The following NEBL variants were observed in gnomAD, a reference collection of about 807,000 sequenced individuals.
NEBL encodes LIM and SH3 protein 2.
Under a neutral mutation model 140.2 loss-of-function variants are expected in NEBL, and 122 were observed. The ratio of observed to expected loss-of-function variants is 0.87; its 90% confidence interval spans 0.75 to 1.01. NEBL has a LOEUF of 1.01. Among genes scored for constraint, NEBL ranks in the 50% least tolerant of loss-of-function variants. NEBL has a pLI of 0.00. For missense variants in NEBL, 1,365 were observed against 1,231.3 expected (o/e 1.11, Z -1.62); for synonymous variants, 436 against 398.9 (o/e 1.09, Z -1.11).
Position 21,267,826 on chromosome 10 carries a change from A to C in NEBL, n.183-15998T>G, listed in dbSNP as rs180865303. Among the ~76,000 whole-genome samples, 4 of 152,346 alleles carry C rather than the reference A, an allele frequency of 2.6e-5. No individual in the cohort carries two copies. The East Asian group carries it at 7.7e-4, about 29-fold the overall frequency. On this transcript the variant is annotated intron_variant and non_coding_transcript_variant, in intron 1 of 8. Transcript: ENST00000675702. ...CACACTTCAAGTGCTCAGTAGCTAC[A>C]TGTGGCTAGTGTCTGTTGTATTCAA...
At chr10:21,236,197 T>C (rs1361711372) in intron 3 of NEBL, among the ~76,000 whole-genome samples, 2 of 152,152 alleles carry the variant, frequency 1.3e-5, no homozygotes, top group African/African-American at 4.8e-5. Flanking sequence ...GGGAGGGAAA[T>C]CTTAGCATGG....
chr10:21,158,626 A>C (rs1726223), intron 2 of NEBL, among the ~76,000 whole-genome samples: 353 of 152,150 alleles, frequency 2.3e-3, no homozygotes, highest in Non-Finnish European at 3.3e-3. Flanking sequence ...CCAGTGTTTC[A>C]GTTCCAGGAC....
In NEBL at chr10:20,808,665, T is replaced by C. The variant is rs377317796; in HGVS notation, c.2612-6A>G. On this transcript the variant is annotated splice_polypyrimidine_tract_variant and splice_region_variant and intron_variant, in intron 25 of 27. Transcript: ENST00000377122. ...CCTATAGTGACTCGCCTTTTCTATA[T>C]TGGAGGGAAAATATTTACACGTGTG... 6.8e-5 allele frequency: 110 copies of C among 1,610,858 alleles called. No homozygotes were observed. The highest frequency in any genetic ancestry group is 3.3e-4 in the Middle Eastern group (2 of 6,076).
At chr10:20,943,656 T>C (rs1835012681) in intron 4 of NEBL, among the ~76,000 whole-genome samples, 1 of 152,208 alleles carries the variant, frequency 6.6e-6, no homozygotes, top group South Asian at 2.1e-4. Flanking sequence ...AGGAAGTTAT[T>C]TCTTGTTTCT....
chr10:20,816,226 A>G (rs1252459847), intron 21 of NEBL, among the ~76,000 whole-genome samples: 1 of 152,206 alleles, frequency 6.6e-6, no homozygotes, highest in Non-Finnish European at 1.5e-5. Flanking sequence ...CTGTGGATGT[A>G]CTCGAATACA....
intron 2 of NEBL, among the ~76,000 whole-genome samples, chr10:21,074,447 T>C (rs74121007): frequency 0.032 from 4,832 of 152,080 alleles, 114 homozygotes; most frequent in African/African-American, 0.064. Context: ...TCTTGTAAAA[T>C]GCTGCTCCTC....
intron 3 of NEBL, among the ~76,000 whole-genome samples, chr10:21,187,106 A>T (rs1472988964): frequency 6.6e-6 from 1 of 151,562 alleles, no homozygotes; most frequent in Non-Finnish European, 1.5e-5. Context: ...CATAGATGCA[A>T]GTACGTACCT....
chr10:21,227,716 T>TCTTCTTCTTC (rs1842180998), intron 3 of NEBL, among the ~76,000 whole-genome samples: 1 of 101,982 alleles, frequency 9.8e-6, no homozygotes, highest in African/African-American at 4.8e-5. Context: ...TCTTCTTTCT[T>TCTTCTTCTTC]CTTCTTCTTC....
chr10:20,967,777 G>C (rs1450754470), intron 3 of NEBL, among the ~76,000 whole-genome samples: 1 of 152,072 alleles, frequency 6.6e-6, no homozygotes, highest in East Asian at 1.9e-4. Flanking sequence ...TACATTTGAT[G>C]GCGAATTCAC....
At chr10:21,198,314 A>C (rs1841683840) in intron 3 of NEBL, among the ~76,000 whole-genome samples, 2 of 152,088 alleles carry the variant, frequency 1.3e-5, no homozygotes, top group Non-Finnish European at 2.9e-5. Context: ...TATCTTTAGG[A>C]TGTATTAGGA....
chr10:20,900,444 C>T (rs997515020), upstream of NEBL, among the ~76,000 whole-genome samples: 1 of 152,156 alleles, frequency 6.6e-6, no homozygotes, highest in Non-Finnish European at 1.5e-5. Context: ...CTTTGGGAGG[C>T]TGAGGCAGGC....
chr10:20,946,101 C>T (rs1268353445), intron 4 of NEBL, among the ~76,000 whole-genome samples: 1 of 152,118 alleles, frequency 6.6e-6, no homozygotes, highest in African/African-American at 2.4e-5. Flanking sequence ...CATCTATGTA[C>T]GAACAGGGAT....
intron 3 of NEBL, among the ~76,000 whole-genome samples, chr10:20,974,373 C>T (rs1314756906): frequency 5.3e-5 from 8 of 151,842 alleles, no homozygotes; most frequent in African/African-American, 1.9e-4. Flanking sequence ...CCCATCTCAG[C>T]CTTTCAAGTA....
At chr10:20,906,274 T>C (rs1482679768) in intron 4 of NEBL, among the ~76,000 whole-genome samples, 3 of 152,168 alleles carry the variant, frequency 2.0e-5, no homozygotes, top group African/African-American at 7.2e-5. Context: ...ATGTTCCTTC[T>C]CAAACCTTAA....
chr10:21,019,480 T>C (rs1838692042), intron 3 of NEBL, among the ~76,000 whole-genome samples: 1 of 152,204 alleles, frequency 6.6e-6, no homozygotes, highest in Non-Finnish European at 1.5e-5. Flanking sequence ...GACAGCTTCT[T>C]TGAAAGAGAG....
chr10:21,096,441 GA>G (rs914611278), intron 2 of NEBL, among the ~76,000 whole-genome samples: 3 of 150,978 alleles, frequency 2.0e-5, no homozygotes, highest in Non-Finnish European at 4.4e-5. Flanking sequence ...TTTATTTAAA[GA>G]AAAAAAACAG....
At chr10:20,926,543 C>T (rs1396712141) in intron 4 of NEBL, among the ~76,000 whole-genome samples, 1 of 152,122 alleles carries the variant, frequency 6.6e-6, no homozygotes, top group Non-Finnish European at 1.5e-5. Context: ...TATGAGATAT[C>T]GTATTCCAAG....
At chr10:21,070,030 A>G in intron 2 of NEBL, 1 of 456,186 alleles carries the variant, frequency 2.2e-6, no homozygotes, top group Non-Finnish European at 4.4e-6. Context: ...TTTGCAGCAC[A>G]CGGTGTCACC....
chr10:21,086,452 T>C (rs533745486), intron 2 of NEBL, among the ~76,000 whole-genome samples: 1 of 152,276 alleles, frequency 6.6e-6, no homozygotes, highest in African/African-American at 2.4e-5. Flanking sequence ...ATGAATGATA[T>C]AGAGAATTTC....
Sources: gnomAD v4.1 joint callset for allele counts (sites outside exome capture counted in the v4.1 genomes callset) on GRCh38, gnomAD v4.1.1 for gene constraint, MANE v1.5 for transcripts, NCBI Gene and HGNC (gene_info 2026-07-23, HGNC 2026-07-21) for gene names.